The following ZSCAN25 variants were observed in gnomAD, a reference collection of about 807,000 sequenced individuals.
ZSCAN25 encodes the protein zinc finger and SCAN domain-containing protein 25.
ZSCAN25 carries 27 observed loss-of-function variants against 38.7 expected under a neutral mutation model. The observed-to-expected ratio is 0.70, with a 90% CI of 0.51 to 0.96. ZSCAN25 has a LOEUF of 0.96. Ranked by LOEUF, ZSCAN25 falls within the 40% of genes least tolerant of loss-of-function variation. The probability of loss-of-function intolerance (pLI) is 0.00; values close to 1 mark genes in which losing one functional copy is unlikely to be tolerated. For synonymous variants in ZSCAN25, 273 were observed against 277.7 expected (o/e 0.98, Z 0.17); for missense variants, 637 against 705.9 (o/e 0.90, Z 1.11).
At chr7:99,636,860 T>C (rs549500984), downstream of ZSCAN25, among the ~76,000 whole-genome samples, 1 of 152,312 alleles carries the variant, frequency 6.6e-6, no homozygotes, top group South Asian at 2.1e-4. Context: ...AAAAATTAAG[T>C]TTACATTCAT....
chr7:99,679,199 G>C, the ZSCAN25 span, among the ~76,000 whole-genome samples: 1 of 152,270 alleles, frequency 6.6e-6, no homozygotes, highest in African/African-American at 2.4e-5. Flanking sequence ...TGTATGACAG[G>C]GTGGAGGAGT....
At chr7:99,684,995 C>T in the ZSCAN25 span, 2 of 601,532 alleles carry the variant, frequency 3.3e-6, no homozygotes, top group Non-Finnish European at 5.8e-6. Context: ...GAGCTCAGTG[C>T]ATGTACAGAA....
the ZSCAN25 span, chr7:99,650,362 CT>C: frequency 1.2e-6 from 1 of 817,932 alleles, no homozygotes; most frequent in Non-Finnish European, 1.9e-6. Flanking sequence ...CTTTTGTGGG[CT>C]GGTCATTGAA....
the ZSCAN25 span, chr7:99,665,212 C>T: frequency 7.5e-3 from 12,036 of 1,614,048 alleles, 653 homozygotes; most frequent in African/African-American, 0.13. Context: ...TTAGGAACTT[C>T]TTAGTGCTCT....
the ZSCAN25 span, chr7:99,663,513 T>A: frequency 2.0e-6 from 2 of 991,308 alleles, no homozygotes; most frequent in Non-Finnish European, 2.4e-6. Context: ...AACACTCACA[T>A]TTACCACACA....
At chr7:99,642,556 A>G in the ZSCAN25 span, among the ~76,000 whole-genome samples, 42,343 of 152,148 alleles carry the variant, frequency 0.28, 11,931 homozygotes, top group African/African-American at 0.72. Flanking sequence ...CCCCAGAAAT[A>G]TGAACGAAAA....
At chr7:99,676,073 T>C in the ZSCAN25 span, 1 of 1,565,456 alleles carries the variant, frequency 6.4e-7, no homozygotes, top group Non-Finnish European at 8.8e-7. Context: ...AAGCTGATGT[T>C]TGCAACCATA....
the ZSCAN25 span, among the ~76,000 whole-genome samples, chr7:99,688,610 C>G: frequency 1.3e-5 from 2 of 152,124 alleles, no homozygotes; most frequent in Non-Finnish European, 2.9e-5. Context: ...TTAGACAGAT[C>G]AACGAGACCA....
chr7:99,722,932 G>A, the ZSCAN25 span, among the ~76,000 whole-genome samples: 1 of 152,092 alleles, frequency 6.6e-6, no homozygotes, highest in African/African-American at 2.4e-5. Flanking sequence ...TCGCTTTCCA[G>A]TTTTCCAGCT....
the ZSCAN25 span, among the ~76,000 whole-genome samples, chr7:99,689,618 A>T: frequency 6.6e-6 from 1 of 152,194 alleles, no homozygotes; most frequent in Non-Finnish European, 1.5e-5. Context: ...CAGGATACAA[A>T]ATCAATGTAC....
At chr7:99,679,658 A>G in the ZSCAN25 span, among the ~76,000 whole-genome samples, 1 of 152,238 alleles carries the variant, frequency 6.6e-6, no homozygotes, top group Admixed American at 6.5e-5. Flanking sequence ...TTATTCATTC[A>G]TAGATCTGCA....
chr7:99,663,940 T>C, the ZSCAN25 span: 2 of 1,561,394 alleles, frequency 1.3e-6, no homozygotes, highest in Non-Finnish European at 1.7e-6. Flanking sequence ...AACCTAAACA[T>C]CGTCATTTAA....
rs544000828 is a variant in ZSCAN25, at chr7:99,621,915, GCTTT to G, written c.589+362_589+365del. The G allele has an allele frequency of 1.8e-3, 352 of 196,610 alleles. 1 individual carries two copies. The highest frequency in any genetic ancestry group is 3.1e-3 in the African/African-American group (136 of 43,244). The allele number at this position is 196,610 out of a possible 1,614,324, so 12.2% of individuals were successfully genotyped here. On this transcript the variant is annotated intron_variant, in intron 5 of 7. Transcript: ENST00000394152. ...ACCATATCCCCCAAAGTAATATGTA[GCTTT>G]CTTTCTTTCTTTCTTTCTTTTTTGA... is the stretch of plus-strand genomic sequence containing the variant.
the ZSCAN25 span, chr7:99,720,521 T>A: frequency 8.4e-7 from 1 of 1,185,490 alleles, no homozygotes; most frequent in Non-Finnish European, 1.2e-6. Context: ...CCTCTAGATG[T>A]ACAATACACA....
the ZSCAN25 span, chr7:99,665,085 G>T: frequency 8.4e-7 from 1 of 1,193,856 alleles, no homozygotes. Context: ...CTTTTAAGTG[G>T]ATGAATTATA....
At chr7:99,679,183 A>G in the ZSCAN25 span, among the ~76,000 whole-genome samples, 3 of 152,304 alleles carry the variant, frequency 2.0e-5, no homozygotes, top group Middle Eastern at 3.4e-3. Context: ...AAGATAAACC[A>G]TCCTGTGTAT....
the ZSCAN25 span, among the ~76,000 whole-genome samples, chr7:99,694,071 G>A: frequency 1.3e-5 from 2 of 152,186 alleles, no homozygotes; most frequent in South Asian, 2.1e-4. Flanking sequence ...TTATCATTGT[G>A]TGTAAACTAG....
At chr7:99,677,168 C>T in the ZSCAN25 span, 4 of 985,388 alleles carry the variant, frequency 4.1e-6, no homozygotes, top group South Asian at 9.4e-5. Context: ...GAGTCATGTG[C>T]AAACTCCTCC....
At chr7:99,722,150 T>G in the ZSCAN25 span, 2 of 989,812 alleles carry the variant, frequency 2.0e-6, no homozygotes, top group Non-Finnish European at 1.5e-6. Context: ...AATACATATC[T>G]TCTTCTTTCA....
Sources: allele counts gnomAD v4.1 joint callset (sites outside exome capture counted in the v4.1 genomes callset), GRCh38; gene constraint gnomAD v4.1.1; transcripts MANE v1.5; gene names NCBI Gene and HGNC (gene_info 2026-07-23, HGNC 2026-07-21).